Variants in PFKL observed in about 807,000 individuals in gnomAD.
PFKL encodes the protein phosphofructokinase, liver type, also known as ATP-dependent 6-phosphofructokinase, liver type.
Under a neutral mutation model 92.1 loss-of-function variants are expected in PFKL, and 74 were observed. The ratio of observed to expected loss-of-function variants is 0.80; its 90% CI spans 0.67 to 0.97. The LOEUF is 0.97. Among genes scored for constraint, PFKL ranks in the 50% least tolerant of loss-of-function variants. PFKL has a pLI of 0.00. For missense variants in PFKL, 1,028 were observed against 1,116.6 expected, an observed-to-expected ratio of 0.92 and a Z score of 1.13; for synonymous variants, 494 against 456.4, an observed-to-expected ratio of 1.08 and a Z score of -1.05.
intron 2 of PFKL, among the ~76,000 whole-genome samples, chr21:44,308,957 C>T (rs1008255276): frequency 1.3e-5 from 2 of 152,166 alleles, no homozygotes; most frequent in South Asian, 2.1e-4. Context: ...GGTCTTTCTT[C>T]CTACGATGAC....
At chr21:44,320,168 C>T in intron 12 of PFKL, 21 bp downstream of exon 12, 1 of 1,607,492 alleles carries the variant, frequency 6.2e-7, no homozygotes, top group Non-Finnish European at 8.5e-7. Context: ...GAGCGGCGCC[C>T]ACAGAGGGAG....
chr21:44,300,905 C>T (rs1229944905), intron 1 of PFKL, among the ~76,000 whole-genome samples: 3 of 152,232 alleles, frequency 2.0e-5, no homozygotes. Context: ...CCTCCAGTGT[C>T]TCTGGCCTGA....
chr21:44,324,785 C>A, intron 17 of PFKL, 71 bp from the exon 18 acceptor site: 2 of 1,583,206 alleles, frequency 1.3e-6, no homozygotes, highest in South Asian at 1.1e-5. Flanking sequence ...CCTGCTGGCC[C>A]CGGATCGCCG....
chr21:44,312,372 A>AGAGGGAC, intron 4 of PFKL, 78 bp downstream of exon 4: 1 of 1,329,062 alleles, frequency 7.5e-7, no homozygotes, highest in Non-Finnish European at 1.0e-6. Context: ...TGGGCAGGAC[A>AGAGGGAC]GAGGGACGAG....
intron 1 of PFKL, chr21:44,305,787 T>C (rs766828653): frequency 2.9e-5 from 40 of 1,366,488 alleles, no homozygotes; most frequent in Non-Finnish European, 3.7e-5. Flanking sequence ...CCCCCGTTAA[T>C]GTCCCTCTCC....
chr21:44,310,882 G>A, intron 2 of PFKL, 124 bp from the exon 3 acceptor site: 1 of 680,992 alleles, frequency 1.5e-6, no homozygotes, highest in Non-Finnish European at 2.6e-6. Flanking sequence ...GATGATGGTG[G>A]GGCCTCACAG....
chr21:44,306,051 C>G, intron 1 of PFKL: 1 of 915,398 alleles, frequency 1.1e-6, no homozygotes, highest in South Asian at 1.6e-5. Context: ...CAAGCCCCTT[C>G]CAGCAGGTGC....
intron 15 of PFKL, 24 bp from the exon 16 acceptor site, chr21:44,323,742 C>G: frequency 6.2e-7 from 1 of 1,601,092 alleles, no homozygotes; most frequent in Non-Finnish European, 8.5e-7. Context: ...CTGCCCTTGA[C>G]CTGCCCCGTC....
chr21:44,325,918 C>A, intron 19 of PFKL, 43 bp from the exon 20 acceptor site: 2 of 1,490,792 alleles, frequency 1.3e-6, no homozygotes, highest in Non-Finnish European at 1.9e-6. Flanking sequence ...TTGGCCCAGG[C>A]AGCCCAGGGG....
intron 19 of PFKL, 50 bp downstream of exon 19, chr21:44,325,314 C>T (rs1412732263): frequency 1.6e-6 from 2 of 1,269,372 alleles, no homozygotes; most frequent in East Asian, 2.3e-5. Flanking sequence ...TTTCCTGCCA[C>T]CATCTGTCCC....
In PFKL at chr21:44,318,482, G is replaced by T; in HGVS notation, c.949G>T (p.Gly317Cys). ...AFDRILSSKMGMEAVMALLEA... is the reference protein window; with the variant it reads ...AFDRILSSKMCMEAVMALLEA... ...CCCTTCCCCACAGAGCAGCAAGATG[G>T]GCATGGAGGCGGTGATGGCGCTGCT... Residue 317 changes from glycine to cysteine, a missense_variant, in exon 10 of 22, where the codon GGC becomes TGC. Gly to Cys is a radical substitution (Grantham distance 159). Transcript: ENST00000349048. 6.4e-7 allele frequency: 1 copy of T among 1,557,632 alleles called. No homozygotes were observed. The highest frequency in any genetic ancestry group is 8.7e-7 in the Non-Finnish European group (1 of 1,145,018).
Position 44,312,247 on chromosome 21 carries a change from T to A in PFKL, c.380T>A (p.Ile127Asn). The A allele has an allele frequency of 1.3e-6, 2 of 1,599,176 alleles. No individual in the cohort carries two copies. Among genetic ancestry groups the A allele is most frequent in the Non-Finnish European group, 1.7e-6 (2 of 1,173,852 alleles). Reference protein sequence around the residue: ...GGDGSLTGANIFRSEWGSLLE... With the variant: ...GGDGSLTGANNFRSEWGSLLE... ...GATGGCAGCCTCACAGGTGCCAACA[T>A]CTTCCGCAGCGAGTGGGGCAGCCTG... Residue 127 changes from isoleucine (I) to asparagine (N), a missense_variant, in exon 4 of 22, where the codon ATC (isoleucine) becomes AAC (asparagine). Transcript: ENST00000349048.
intron 2 of PFKL, among the ~76,000 whole-genome samples, chr21:44,308,036 A>G (rs970119175): frequency 1.3e-5 from 2 of 152,222 alleles, no homozygotes; most frequent in African/African-American, 4.8e-5. Context: ...AGCCCAGCAG[A>G]GACCAGTGCA....
rs768071320 is a variant in PFKL, at chr21:44,324,670, G to A, written c.1815+15G>A. ...ACGACTTAAAGGTGAGCCCAGCCCA[G>A]CCCCTGCTGCGGCAGACCTGCCGGC... On this transcript the variant is annotated intron_variant, in intron 17 of 21. Coordinates refer to ENST00000349048, the MANE Select transcript of PFKL (RefSeq NM_002626.6). 1.3e-6 allele frequency: 2 copies of A among 1,570,702 alleles called. No individual in the cohort carries two copies. Among genetic ancestry groups the A allele is most frequent in the South Asian group, 1.2e-5 (1 of 84,074 alleles).
At position 44,325,241 on chromosome 21, in the gene PFKL, A is replaced by G; in HGVS notation, c.1966A>G (p.Asn656Asp). Reference sequence around the variant, plus strand: ...CAAGGGCGTCTTCGACTGCAGGACCAATGTCCTGGGCCACCTGCAGCAGGT... The same window carrying G: ...CAAGGGCGTCTTCGACTGCAGGACCGATGTCCTGGGCCACCTGCAGCAGGT... The part of the protein sequence containing the change: ...EGKGVFDCRT[N>D]VLGHLQQGGA... Residue 656 changes from asparagine (N) to aspartate (D), a missense_variant, in exon 19 of 22, where the codon AAT (asparagine) becomes GAT (aspartate). Transcript: ENST00000349048. 6.2e-7 allele frequency: 1 copy of G among 1,609,660 alleles called. No homozygotes were observed. Among genetic ancestry groups the G allele is most frequent in the Non-Finnish European group, 8.5e-7 (1 of 1,176,686 alleles).
rs761580023 is a variant in PFKL, at chr21:44,316,572, TGTGTGG to T, written c.936+62_936+67del. On this transcript the variant is annotated intron_variant, in intron 9 of 21. Coordinates refer to ENST00000349048, the MANE Select transcript of PFKL (RefSeq NM_002626.6). ...TGCGTACGTGCGTGGGTAAGCGTGG[TGTGTGG>T]GTGTGGGTGTGGGCAGTGTGCACGC... 1.7e-4 allele frequency: 245 copies of T among 1,432,954 alleles called. 1 individual carries two copies. Among genetic ancestry groups the T allele is most frequent in the South Asian group, 3.9e-4 (31 of 78,886 alleles). The allele number at this position is 1,432,954 out of a possible 1,614,324, so 88.8% of individuals were successfully genotyped here.
chr21:44,324,442 A>G (rs751245492), intron 16 of PFKL, 49 bp from the exon 17 acceptor site: 3 of 1,599,956 alleles, frequency 1.9e-6, no homozygotes, highest in South Asian at 2.2e-5. Flanking sequence ...GACGGCCTAC[A>G]GGGAAGGGTG....
intron 11 of PFKL, 164 bp from the exon 12 acceptor site, chr21:44,319,920 T>C (rs1435174723): frequency 7.9e-6 from 5 of 630,212 alleles, no homozygotes; most frequent in East Asian, 2.7e-5. Context: ...GCACCTTCTG[T>C]GGAAGGTGCC....
Position 44,324,926 on chromosome 21 carries a change from G to A in PFKL, c.1877+9G>A. The A allele has an allele frequency of 6.3e-7, 1 of 1,599,898 alleles. No homozygotes were observed. Among genetic ancestry groups the A allele is most frequent in the Non-Finnish European group, 8.5e-7 (1 of 1,173,476 alleles). ...AGGGGCCTGGTGCTGCGGTGAGGCT[G>A]CCGTGGGTCCCTGGCCACAGCTGCG... On this transcript the variant is annotated intron_variant, in intron 18 of 21. Coordinates refer to ENST00000349048, the MANE Select transcript of PFKL (RefSeq NM_002626.6).
Sources: allele counts gnomAD v4.1 joint callset (sites outside exome capture counted in the v4.1 genomes callset), GRCh38; gene constraint gnomAD v4.1.1; transcripts MANE v1.5; gene names NCBI Gene and HGNC (gene_info 2026-07-23, HGNC 2026-07-21).